Variants in SH3PXD2A observed in about 807,000 individuals in gnomAD.
The protein encoded by SH3PXD2A is SH3 and PX domain-containing protein 2A.
SH3PXD2A carries 32 observed loss-of-function variants against 115.2 expected under a neutral mutation model. That is an observed-to-expected ratio of 0.28 (90% CI 0.21 to 0.37). The LOEUF (loss-of-function observed/expected upper bound fraction) is 0.37, where lower values mean the gene tolerates loss of function less well. Ranked by LOEUF, SH3PXD2A falls within the 10% of genes least tolerant of loss-of-function variation. SH3PXD2A has a pLI of 1.00. For synonymous variants in SH3PXD2A, 610 were observed against 629.1 expected (o/e 0.97, Z 0.45); for missense variants, 1,328 against 1,498.7 (o/e 0.89, Z 1.88).
intron 5 of SH3PXD2A, among the ~76,000 whole-genome samples, chr10:103,707,545 G>A (rs2037996441): frequency 1.3e-5 from 2 of 152,054 alleles, no homozygotes; most frequent in South Asian, 4.2e-4. Flanking sequence ...ACAGGGTCTT[G>A]CTATGTTGCC....
chr10:103,736,799 T>G (rs1318368060), intron 3 of SH3PXD2A: 1 of 1,288,870 alleles, frequency 7.8e-7, no homozygotes, highest in East Asian at 5.5e-5. Context: ...GTAACGGGCA[T>G]CTGTTGCCTC....
intron 1 of SH3PXD2A, among the ~76,000 whole-genome samples, chr10:103,826,303 T>C (rs1423612966): frequency 1.3e-5 from 2 of 152,128 alleles, no homozygotes; most frequent in Non-Finnish European, 2.9e-5. Context: ...ATTCTCCAAG[T>C]GAGGATACTT....
chr10:103,733,298 A>G (rs1259821949), intron 4 of SH3PXD2A, among the ~76,000 whole-genome samples: 1 of 152,194 alleles, frequency 6.6e-6, no homozygotes, highest in Non-Finnish European at 1.5e-5. Context: ...CCCAGGAGAT[A>G]AGATGCTATC....
intron 3 of SH3PXD2A, among the ~76,000 whole-genome samples, chr10:103,764,451 G>A (rs1446678388): frequency 1.3e-5 from 2 of 151,266 alleles, no homozygotes; most frequent in Non-Finnish European, 1.5e-5. Flanking sequence ...GGAAAAAGAA[G>A]GGCACAGGGT....
intron 9 of SH3PXD2A, among the ~76,000 whole-genome samples, chr10:103,623,022 A>G (rs11818036): frequency 0.016 from 2,438 of 152,322 alleles, 56 homozygotes; most frequent in African/African-American, 0.056. Flanking sequence ...TACCTTGGAC[A>G]GGCACCATGC....
At chr10:103,852,048 C>G (rs955370075) in intron 1 of SH3PXD2A, among the ~76,000 whole-genome samples, 5 of 152,210 alleles carry the variant, frequency 3.3e-5, no homozygotes, top group Admixed American at 6.5e-5. Flanking sequence ...ATCATCAGGA[C>G]CATTTTCAAG....
chr10:103,652,499 T>A (rs1329265939), intron 8 of SH3PXD2A, among the ~76,000 whole-genome samples: 1 of 152,108 alleles, frequency 6.6e-6, no homozygotes, highest in Non-Finnish European at 1.5e-5. Context: ...CCGGAACAAT[T>A]ACAGAAAACC....
At chr10:103,673,726 T>C (rs2037493657) in intron 6 of SH3PXD2A, among the ~76,000 whole-genome samples, 2 of 152,186 alleles carry the variant, frequency 1.3e-5, no homozygotes, top group African/African-American at 4.8e-5. Flanking sequence ...GTAAAGCAAG[T>C]TCCATCCATC....
intron 7 of SH3PXD2A, 66 bp downstream of exon 7, chr10:103,668,542 C>T: frequency 7.2e-7 from 1 of 1,384,972 alleles, no homozygotes. Flanking sequence ...CCTGCAGGCA[C>T]CGGCTCCCGC....
At chr10:103,699,481 T>A (rs184422176) in intron 5 of SH3PXD2A, among the ~76,000 whole-genome samples, 7 of 152,284 alleles carry the variant, frequency 4.6e-5, no homozygotes, top group Non-Finnish European at 1.5e-5. Context: ...AGGGCTATTG[T>A]GAGAATTCGA....
intron 4 of SH3PXD2A, among the ~76,000 whole-genome samples, chr10:103,734,960 TC>T (rs901489935): frequency 2.0e-5 from 3 of 152,212 alleles, no homozygotes; most frequent in African/African-American, 4.8e-5. Context: ...TGTGTTCTCC[TC>T]CCTATTGGAC....
At chr10:103,613,463 G>A (rs1392086297) in intron 11 of SH3PXD2A, among the ~76,000 whole-genome samples, 1 of 152,242 alleles carries the variant, frequency 6.6e-6, no homozygotes, top group Non-Finnish European at 1.5e-5. Flanking sequence ...TCAGGCAAAT[G>A]TGGGAGCTTG....
intron 14 of SH3PXD2A, 76 bp downstream of exon 14, chr10:103,605,722 A>C: frequency 1.3e-6 from 2 of 1,587,078 alleles, no homozygotes; most frequent in Middle Eastern, 3.3e-4. Flanking sequence ...CTTACTAGCA[A>C]GGCCTAAAAT....
In SH3PXD2A at chr10:103,611,577, A is replaced by G. The variant is rs1468180749; in HGVS notation, c.1308+4T>C. Reference sequence around the variant, plus strand: ...AAAGGGGAGAAGAAATTCAGTACACATACCAGGCTGGATTCTCTGCGTGGT... The same window carrying G: ...AAAGGGGAGAAGAAATTCAGTACACGTACCAGGCTGGATTCTCTGCGTGGT... On this transcript the variant is annotated splice_donor_region_variant and intron_variant, in intron 13 of 14. Transcript: ENST00000369774. 22 of 1,613,262 alleles carry G rather than the reference A, an allele frequency of 1.4e-5. No homozygotes were observed. The highest frequency in any genetic ancestry group is 1.9e-5 in the Non-Finnish European group (22 of 1,179,302).
At chr10:103,817,678 T>C (rs1442169553) in intron 1 of SH3PXD2A, among the ~76,000 whole-genome samples, 1 of 152,186 alleles carries the variant, frequency 6.6e-6, no homozygotes, top group Admixed American at 6.5e-5. Context: ...CACTTACAAG[T>C]GAGAACACAT....
Position 103,801,366 on chromosome 10 carries a change from T to A in SH3PXD2A, c.73-4A>T. ...AGGTCACATTGATTATGTATACCTG[T>A]GGGAAAAAGGTAAGAGCAGGTGAGC... On this transcript the variant is annotated splice_region_variant and splice_polypyrimidine_tract_variant and intron_variant, in intron 1 of 14. Coordinates refer to ENST00000369774, the MANE Select transcript of SH3PXD2A (RefSeq NM_001394015.1). 1.9e-6 allele frequency: 3 copies of A among 1,595,000 alleles called. No homozygotes were observed. Among genetic ancestry groups the A allele is most frequent in the Non-Finnish European group, 2.6e-6 (3 of 1,162,864 alleles).
At chr10:103,662,346 GGGGGGGC>G (rs1442355014) in intron 7 of SH3PXD2A, among the ~76,000 whole-genome samples, 19 of 91,072 alleles carry the variant, frequency 2.1e-4, no homozygotes, top group African/African-American at 1.1e-3. Flanking sequence ...ATTGGCGGGG[GGGGGGGC>G]GGGGGGGGAT....
At chr10:103,764,341 G>C (rs1406930588) in intron 3 of SH3PXD2A, among the ~76,000 whole-genome samples, 1 of 152,136 alleles carries the variant, frequency 6.6e-6, no homozygotes, top group Non-Finnish European at 1.5e-5. Flanking sequence ...GATTCCAAAT[G>C]GCCAGCAATG....
intron 1 of SH3PXD2A, among the ~76,000 whole-genome samples, chr10:103,828,422 T>A (rs554569824): frequency 6.6e-6 from 1 of 152,326 alleles, no homozygotes; most frequent in South Asian, 2.1e-4. Flanking sequence ...CTTGGAAGCA[T>A]CACCCTCCCT....
Sources: gnomAD v4.1 joint callset for allele counts (sites outside exome capture counted in the v4.1 genomes callset) on GRCh38, gnomAD v4.1.1 for gene constraint, MANE v1.5 for transcripts, NCBI Gene and HGNC (gene_info 2026-07-23, HGNC 2026-07-21) for gene names.